Variants in GABRB1 observed in about 807,000 individuals in gnomAD.
The protein encoded by GABRB1 is gamma-aminobutyric acid type A receptor subunit beta1, also known as gamma-aminobutyric acid receptor subunit beta-1.
A neutral mutation model predicts 51.6 loss-of-function variants in GABRB1; 17 were observed. The ratio of observed to expected loss-of-function variants is 0.33; its 90% CI spans 0.23 to 0.49. The LOEUF is 0.49. GABRB1 is among the 20% of genes least tolerant of loss of function. GABRB1 has a pLI of 0.99. For synonymous variants in GABRB1, 247 were observed against 218.9 expected, an observed-to-expected ratio of 1.13 and a Z score of -1.14; for missense variants, 410 against 600.6, an observed-to-expected ratio of 0.68 and a Z score of 3.32.
chr4:47,148,650 A>T (rs541878521), intron 3 of GABRB1, among the ~76,000 whole-genome samples: 1 of 151,976 alleles, frequency 6.6e-6, no homozygotes, highest in African/African-American at 2.4e-5. Flanking sequence ...TTCCTTAAGG[A>T]TCACTGTGGA....
intron 5 of GABRB1, among the ~76,000 whole-genome samples, chr4:47,369,599 CA>C (rs1727116186): frequency 6.6e-6 from 1 of 152,078 alleles, no homozygotes; most frequent in Non-Finnish European, 1.5e-5. Context: ...TTTCTAATTC[CA>C]AACTTGTTAT....
chr4:47,134,657 T>G (rs1231161334), intron 3 of GABRB1, among the ~76,000 whole-genome samples: 2 of 152,212 alleles, frequency 1.3e-5, no homozygotes, highest in East Asian at 3.8e-4. Context: ...GATGTGTGAT[T>G]GACATTCCTA....
chr4:47,316,016 A>T (rs905762599), intron 4 of GABRB1, among the ~76,000 whole-genome samples: 2 of 144,220 alleles, frequency 1.4e-5, no homozygotes, highest in Admixed American at 1.4e-4. Flanking sequence ...ACAAACCTGC[A>T]TATGTACCCA....
At chr4:47,251,110 T>C (rs1578035171) in intron 4 of GABRB1, among the ~76,000 whole-genome samples, 2 of 152,154 alleles carry the variant, frequency 1.3e-5, no homozygotes, top group African/African-American at 2.4e-5. Context: ...CTGAAGGCCG[T>C]TATTCAGATT....
intron 5 of GABRB1, among the ~76,000 whole-genome samples, chr4:47,343,039 C>T (rs1007697177): frequency 2.0e-5 from 3 of 151,820 alleles, no homozygotes; most frequent in Non-Finnish European, 2.9e-5. Context: ...CAAGTAGAGG[C>T]GAGTGTCATT....
rs1224478244 is a variant in GABRB1, at chr4:47,246,850, C to T, written c.462-73277C>T. On this transcript the variant is annotated intron_variant, in intron 4 of 8. Coordinates refer to ENST00000295454, the MANE Select transcript of GABRB1 (RefSeq NM_000812.4). ...ATCTTTGGGAATTGTCTATTCATGT[C>T]CTTAGCCCACTTTTTGATGGGATTT... Among the ~76,000 whole-genome samples, 3 of 151,862 alleles carry T rather than the reference C, an allele frequency of 2.0e-5. No individual in the cohort carries two copies. The East Asian group carries it at 5.8e-4, about 29-fold the overall frequency.
At chr4:46,996,905 C>A (rs1244089851) in intron 1 of GABRB1, among the ~76,000 whole-genome samples, 1 of 151,936 alleles carries the variant, frequency 6.6e-6, no homozygotes, top group Non-Finnish European at 1.5e-5. Flanking sequence ...CAATTGTAAC[C>A]ATTTGAGGAG....
intron 3 of GABRB1, among the ~76,000 whole-genome samples, chr4:47,047,736 G>A (rs991515576): frequency 6.6e-6 from 1 of 152,138 alleles, no homozygotes. Flanking sequence ...TCAGATTTAT[G>A]AAATGTTTGA....
chr4:47,423,514 A>T (rs1444676680), intron 8 of GABRB1, among the ~76,000 whole-genome samples: 1 of 152,226 alleles, frequency 6.6e-6, no homozygotes, highest in African/African-American at 2.4e-5. Context: ...GTTGGTAAGG[A>T]TGCTAGTTGT....
chr4:47,090,394 T>C (rs1002221656), intron 3 of GABRB1, among the ~76,000 whole-genome samples: 5 of 152,170 alleles, frequency 3.3e-5, no homozygotes, highest in African/African-American at 9.7e-5. Flanking sequence ...TGTGTAAAAC[T>C]GGAATCTGAT....
intron 5 of GABRB1, among the ~76,000 whole-genome samples, chr4:47,364,149 G>A (rs2110012702): frequency 6.6e-6 from 1 of 152,316 alleles, no homozygotes; most frequent in South Asian, 2.1e-4. Flanking sequence ...GACCAACAGA[G>A]AAGACACTAG....
chr4:47,397,987 T>C (rs1379176860), intron 5 of GABRB1, among the ~76,000 whole-genome samples: 1 of 152,218 alleles, frequency 6.6e-6, no homozygotes, highest in East Asian at 1.9e-4. Context: ...TCATATTAAA[T>C]TGTGAAACTT....
intron 3 of GABRB1, among the ~76,000 whole-genome samples, chr4:47,106,407 T>C (rs578124387): frequency 1.4e-4 from 22 of 152,048 alleles, no homozygotes; most frequent in Non-Finnish European, 2.4e-4. Context: ...ACTAATGTTA[T>C]TGGAAATTCA....
rs138293099 is a variant in GABRB1, at chr4:47,162,164, C to G, written c.461+695C>G. Among the ~76,000 whole-genome samples, 36 of 152,160 alleles carry G rather than the reference C, an allele frequency of 2.4e-4. No homozygotes were observed. The East Asian group carries it at 7.0e-3, about 29-fold the overall frequency. Reference sequence around the variant, plus strand: ...TCTTTGGGAGAAATGGTAAAATAAACTAACAGTTCCCTTGAGTCTATTGAT... The same window carrying G: ...TCTTTGGGAGAAATGGTAAAATAAAGTAACAGTTCCCTTGAGTCTATTGAT... On this transcript the variant is annotated intron_variant, in intron 4 of 8. Coordinates refer to ENST00000295454, the MANE Select transcript of GABRB1 (RefSeq NM_000812.4).
intron 4 of GABRB1, among the ~76,000 whole-genome samples, chr4:47,286,137 C>G (rs572944616): frequency 6.6e-6 from 1 of 152,134 alleles, no homozygotes; most frequent in African/African-American, 2.4e-5. Context: ...CCAGTAGGAG[C>G]TGAGTAAGAG....
intron 3 of GABRB1, among the ~76,000 whole-genome samples, chr4:47,084,425 T>C (rs2109573786): frequency 6.6e-6 from 1 of 152,300 alleles, no homozygotes; most frequent in Non-Finnish European, 1.5e-5. Flanking sequence ...TTCAAAAATA[T>C]ATACCAAATA....
chr4:47,046,431 A>G (rs1468646362), intron 3 of GABRB1, among the ~76,000 whole-genome samples: 1 of 152,144 alleles, frequency 6.6e-6, no homozygotes, highest in Non-Finnish European at 1.5e-5. Context: ...GAACTGTGAA[A>G]GGTTATTAAA....
At chr4:47,012,936 A>G (rs1373738553) in intron 1 of GABRB1, among the ~76,000 whole-genome samples, 1 of 152,234 alleles carries the variant, frequency 6.6e-6, no homozygotes. Flanking sequence ...TTGGTATTCC[A>G]CAACAGATTC....
At chr4:47,329,677 AT>A (rs1725396721) in intron 5 of GABRB1, among the ~76,000 whole-genome samples, 1 of 148,492 alleles carries the variant, frequency 6.7e-6, no homozygotes, top group Admixed American at 6.8e-5. Flanking sequence ...TATAAAATAT[AT>A]ATGTATCTTA....
Sources: gnomAD v4.1 joint callset for allele counts (sites outside exome capture counted in the v4.1 genomes callset) on GRCh38, gnomAD v4.1.1 for gene constraint, MANE v1.5 for transcripts, NCBI Gene and HGNC (gene_info 2026-07-23, HGNC 2026-07-21) for gene names.